Variants in ARHGEF38 observed in about 807,000 individuals in gnomAD.
The protein encoded by ARHGEF38 is Rho guanine nucleotide exchange factor 38.
In ARHGEF38, 79 loss-of-function variants were observed where a neutral mutation model predicts 79.9. The observed-to-expected ratio is 0.99, with a 90% CI of 0.82 to 1.19. The LOEUF (loss-of-function observed/expected upper bound fraction) is 1.19. Ranked by LOEUF, ARHGEF38 falls within the 50% of genes most tolerant of loss-of-function variation. ARHGEF38 has a pLI of 0.00. For missense variants in ARHGEF38, 962 were observed against 907.2 expected (o/e 1.06, Z -0.78); for synonymous variants, 366 against 328.3 (o/e 1.11, Z -1.24).
In ARHGEF38 at chr4:105,645,286, C is replaced by T; in HGVS notation, c.773C>T (p.Thr258Ile). 6.5e-7 allele frequency: 1 copy of T among 1,536,584 alleles called. No individual in the cohort carries two copies. The highest frequency in any genetic ancestry group is 8.7e-7 in the Non-Finnish European group (1 of 1,146,970). Residue 258 changes from threonine to isoleucine, a missense_variant, in exon 6 of 14, where the codon ACC (threonine) becomes ATC (isoleucine). Transcript: ENST00000420470. ...TTACTGTGCGAACTTCGGAATTCCA[C>T]CCCTCCCTCTCACCCAGATTACAGA... ...PLLLCELRNS[T>I]PPSHPDYRAL...
At position 105,575,013 on chromosome 4, in the gene ARHGEF38, T is replaced by TAC. The variant is rs3056772; in HGVS notation, c.197-14212_197-14211dup. 5.7e-3 allele frequency among the ~76,000 whole-genome samples: 855 copies of TAC among 149,396 alleles called. 6 individuals carry two copies. Among genetic ancestry groups the TAC allele is most frequent in the African/African-American group, 0.017 (700 of 40,652 alleles). On this transcript the variant is annotated intron_variant, in intron 1 of 13. Coordinates refer to ENST00000420470, the MANE Select transcript of ARHGEF38 (RefSeq NM_001242729.2). ...ATGTACACACATACACACACATATA[T>TAC]ACACACACACACACACACACACACC...
chr4:105,613,614 A>T (rs1187486819), intron 3 of ARHGEF38, 107 bp downstream of exon 3: 2 of 1,262,922 alleles, frequency 1.6e-6, no homozygotes, highest in East Asian at 4.9e-5. Context: ...TTCCCAGGAG[A>T]TATATAAATG....
chr4:105,570,938 TATG>T (rs1726193042), intron 1 of ARHGEF38, among the ~76,000 whole-genome samples: 1 of 152,164 alleles, frequency 6.6e-6, no homozygotes, highest in East Asian at 1.9e-4. Context: ...ACAAATACTG[TATG>T]ACGCTACTTA....
At position 105,680,867 on chromosome 4, in the gene ARHGEF38, T is replaced by G. The variant is rs575589819; in HGVS notation, c.*2930T>G. 1 of 152,336 alleles carries G rather than the reference T, an allele frequency of 6.6e-6. No individual in the cohort carries two copies. Among genetic ancestry groups the G allele is most frequent in the African/African-American group, 2.4e-5 (1 of 41,594 alleles). 9.4% of individuals were successfully genotyped at this position (152,336 alleles called of 1,614,324 possible). ...ATTTTCCATGATGGGATAAATGTTT[T>G]CATTTCAAGTGCCAATGTGTGAACT... On this transcript the variant is annotated 3_prime_UTR_variant, in exon 14 of 14. Transcript: ENST00000420470.
chr4:105,667,174 T>A lies in ARHGEF38; in HGVS notation c.1735T>A (p.Ser579Thr). ...TGACATTCATCGCTCCAAACTTCTA[T>A]CCACATATAGTGCAGAGGAACTCTA... The part of the protein sequence containing the change: ...QTDIHRSKLL[S>T]TYSAEELYQA... Residue 579 changes from serine to threonine, a missense_variant, in exon 12 of 14, where the codon TCC (serine) becomes ACC (threonine). Coordinates refer to ENST00000420470, the MANE Select transcript of ARHGEF38 (RefSeq NM_001242729.2). 6.5e-7 allele frequency: 1 copy of A among 1,535,902 alleles called. No individual in the cohort carries two copies. Among genetic ancestry groups the A allele is most frequent in the Non-Finnish European group, 8.7e-7 (1 of 1,146,864 alleles).
intron 9 of ARHGEF38, among the ~76,000 whole-genome samples, chr4:105,657,940 T>G (rs190190806): frequency 1.4e-4 from 22 of 152,162 alleles, no homozygotes; most frequent in Non-Finnish European, 1.9e-4. Context: ...TTCCAAATTA[T>G]CATAAAATAT....
chr4:105,559,324 T>A (rs770511833), intron 1 of ARHGEF38, among the ~76,000 whole-genome samples: 1 of 152,146 alleles, frequency 6.6e-6, no homozygotes, highest in Non-Finnish European at 1.5e-5. Flanking sequence ...GACCGCTTCT[T>A]ATCCCATGCT....
At chr4:105,665,813 A>C (rs1353515480) in intron 10 of ARHGEF38, among the ~76,000 whole-genome samples, 1 of 152,190 alleles carries the variant, frequency 6.6e-6, no homozygotes, top group East Asian at 1.9e-4. Context: ...TTTGAAAACC[A>C]GCACAGGCTC....
intron 1 of ARHGEF38, among the ~76,000 whole-genome samples, chr4:105,584,288 C>T (rs1241886066): frequency 1.3e-5 from 2 of 152,164 alleles, no homozygotes; most frequent in Non-Finnish European, 2.9e-5. Context: ...GAAGCCTATA[C>T]ACTACACTAG....
intron 2 of ARHGEF38, among the ~76,000 whole-genome samples, chr4:105,607,822 A>G (rs1420524077): frequency 6.6e-6 from 1 of 151,262 alleles, no homozygotes; most frequent in African/African-American, 2.4e-5. Flanking sequence ...TTTCTTGTTT[A>G]GGCAAGGCTG....
intron 1 of ARHGEF38, among the ~76,000 whole-genome samples, chr4:105,572,055 A>T (rs902807906): frequency 6.6e-6 from 1 of 152,190 alleles, no homozygotes; most frequent in Non-Finnish European, 1.5e-5. Context: ...ATATTCAGTT[A>T]TGCTGTTTAC....
intron 1 of ARHGEF38, chr4:105,561,509 A>AGAATGGAATAGAATGGAATG: frequency 8.1e-6 from 1 of 123,418 alleles, no homozygotes; most frequent in South Asian, 2.6e-4. Context: ...AGAATAGAAT[A>AGAATGGAATAGAATGGAATG]GAATAGAATA....
chr4:105,581,324 T>G (rs72669955), intron 1 of ARHGEF38, among the ~76,000 whole-genome samples: 19,119 of 152,110 alleles, frequency 0.13, 1,300 homozygotes, highest in Non-Finnish European at 0.16. Context: ...AGGAATAGCA[T>G]CTTTCAAAAA....
At chr4:105,627,810 G>A (rs773203006) in intron 3 of ARHGEF38, among the ~76,000 whole-genome samples, 1 of 152,068 alleles carries the variant, frequency 6.6e-6, no homozygotes, top group Admixed American at 6.6e-5. Flanking sequence ...TTATGTTACC[G>A]TGGAAACAGA....
At chr4:105,605,680 G>C (rs1483521370) in intron 2 of ARHGEF38, among the ~76,000 whole-genome samples, 1 of 152,116 alleles carries the variant, frequency 6.6e-6, no homozygotes, top group Non-Finnish European at 1.5e-5. Flanking sequence ...TGAGAAGCCT[G>C]ATGAAATAAT....
chr4:105,658,235 G>A (rs1287124009), intron 9 of ARHGEF38, among the ~76,000 whole-genome samples: 3 of 151,970 alleles, frequency 2.0e-5, no homozygotes, highest in African/African-American at 4.8e-5. Flanking sequence ...GAGTGAGACC[G>A]TATCTCTACC....
At chr4:105,591,708 T>C (rs1253632914) in intron 2 of ARHGEF38, among the ~76,000 whole-genome samples, 1 of 152,214 alleles carries the variant, frequency 6.6e-6, no homozygotes, top group East Asian at 1.9e-4. Flanking sequence ...CTCATGACTT[T>C]TATTTAATGC....
chr4:105,590,118 GGAAGGAAGGAAA>G (rs1351370256), intron 2 of ARHGEF38, among the ~76,000 whole-genome samples: 35 of 127,568 alleles, frequency 2.7e-4, no homozygotes, highest in African/African-American at 3.3e-4. Context: ...AAGGAAGGAA[GGAAGGAAGGAAA>G]GAAAGAAAAA....
At chr4:105,628,282 T>C (rs979361760) in intron 3 of ARHGEF38, among the ~76,000 whole-genome samples, 24 of 152,216 alleles carry the variant, frequency 1.6e-4, no homozygotes, top group African/African-American at 5.5e-4. Flanking sequence ...TATTTACAGC[T>C]TCATCTTGTG....
Sources: gnomAD v4.1 joint callset for allele counts (sites outside exome capture counted in the v4.1 genomes callset) on GRCh38, gnomAD v4.1.1 for gene constraint, MANE v1.5 for transcripts, NCBI Gene and HGNC (gene_info 2026-07-23, HGNC 2026-07-21) for gene names.